The following LIMS1 variants were observed in gnomAD, a reference collection of about 807,000 sequenced individuals.
LIMS1 encodes LIM zinc finger domain containing 1, also known as LIM and senescent cell antigen-like-containing domain protein 1.
LIMS1 carries 18 observed loss-of-function variants against 44.1 expected under a neutral mutation model. The ratio of observed to expected loss-of-function variants is 0.41; its 90% CI spans 0.28 to 0.61. LIMS1 has a LOEUF of 0.61. Among genes scored for constraint, LIMS1 ranks in the 20% least tolerant of loss-of-function variants. LIMS1 has a pLI of 0.32. For missense variants in LIMS1, 201 were observed against 422.0 expected (o/e 0.48, Z 4.59); for synonymous variants, 93 against 149.1 (o/e 0.62, Z 2.74).
intron 1 of LIMS1, among the ~76,000 whole-genome samples, chr2:108,578,907 AATT>A (rs2104650075): frequency 6.6e-6 from 1 of 152,256 alleles, no homozygotes; most frequent in East Asian, 1.9e-4. Context: ...AAATGTAAAT[AATT>A]TTTAAATCTA....
intron 7 of LIMS1, among the ~76,000 whole-genome samples, chr2:108,677,746 C>G (rs1367418461): frequency 2.0e-5 from 3 of 152,148 alleles, no homozygotes; most frequent in Admixed American, 6.6e-5. Context: ...TCACAGATTT[C>G]TATATTTTGC....
intron 1 of LIMS1, among the ~76,000 whole-genome samples, chr2:108,585,915 C>T (rs951660400): frequency 6.6e-6 from 1 of 151,966 alleles, no homozygotes; most frequent in Non-Finnish European, 1.5e-5. Context: ...TGTCTGAGGC[C>T]GGGCGTGGTG....
At chr2:108,653,509 TCA>T (rs1333864075) in intron 1 of LIMS1, among the ~76,000 whole-genome samples, 1 of 151,638 alleles carries the variant, frequency 6.6e-6, no homozygotes, top group African/African-American at 2.4e-5. Flanking sequence ...AGATTTTATT[TCA>T]CAGTCTCTTG....
At chr2:108,649,683 GA>G (rs1452556854) in intron 1 of LIMS1, among the ~76,000 whole-genome samples, 3 of 152,190 alleles carry the variant, frequency 2.0e-5, no homozygotes, top group Non-Finnish European at 2.9e-5. Context: ...GGACATGGAT[GA>G]TGCTGGAAAC....
intron 1 of LIMS1, among the ~76,000 whole-genome samples, chr2:108,630,016 AACCATATTTCC>A (rs1426716122): frequency 6.6e-6 from 1 of 152,150 alleles, no homozygotes; most frequent in Admixed American, 6.5e-5. Context: ...AACATGGTGA[AACCATATTTCC>A]ACAAAGAAAT....
chr2:108,627,736 C>T (rs575854330), intron 1 of LIMS1, among the ~76,000 whole-genome samples: 8 of 152,232 alleles, frequency 5.3e-5, no homozygotes, highest in African/African-American at 1.9e-4. Flanking sequence ...AGAGACACAG[C>T]AACTGATTAT....
intron 1 of LIMS1, among the ~76,000 whole-genome samples, chr2:108,578,418 A>G (rs1367565128): frequency 1.3e-5 from 2 of 152,030 alleles, no homozygotes; most frequent in Non-Finnish European, 2.9e-5. Context: ...AAGTAGTTTT[A>G]AATGTTATAA....
At chr2:108,639,599 C>T (rs1366671415) in intron 1 of LIMS1, among the ~76,000 whole-genome samples, 1 of 152,100 alleles carries the variant, frequency 6.6e-6, no homozygotes, top group Non-Finnish European at 1.5e-5. Context: ...ATTACAGGCA[C>T]CTGCCACCAC....
At chr2:108,673,431 A>G (rs1396239704) in intron 5 of LIMS1, 1 of 267,918 alleles carries the variant, frequency 3.7e-6, no homozygotes, top group Non-Finnish European at 7.2e-6. Context: ...TCTATTGCCC[A>G]GGCTGAAGTG....
intron 1 of LIMS1, chr2:108,588,582 T>G (rs565024609): frequency 9.9e-5 from 98 of 985,414 alleles, no homozygotes; most frequent in Middle Eastern, 5.2e-4. Flanking sequence ...TTGAGAGAAG[T>G]TTAAGAGAAG....
At chr2:108,622,382 A>T (rs899784961) in intron 1 of LIMS1, among the ~76,000 whole-genome samples, 14 of 152,200 alleles carry the variant, frequency 9.2e-5, no homozygotes, top group African/African-American at 3.4e-4. Flanking sequence ...AACAAGGACA[A>T]ATTGACAAGC....
At chr2:108,588,235 TA>T in intron 1 of LIMS1, 1 of 598,414 alleles carries the variant, frequency 1.7e-6, no homozygotes, top group Non-Finnish European at 2.1e-6. Flanking sequence ...GGTTATCGTG[TA>T]ACACACCATG....
At chr2:108,578,744 C>A (rs950557073) in intron 1 of LIMS1, among the ~76,000 whole-genome samples, 29 of 152,072 alleles carry the variant, frequency 1.9e-4, no homozygotes, top group African/African-American at 6.7e-4. Flanking sequence ...CAGGTGCCCA[C>A]CACCACGCCT....
intron 1 of LIMS1, among the ~76,000 whole-genome samples, chr2:108,548,502 C>T (rs971203676): frequency 1.3e-5 from 2 of 152,130 alleles, no homozygotes; most frequent in Admixed American, 6.5e-5. Flanking sequence ...TTCCAGTATT[C>T]GTCAGGTGCT....
At chr2:108,681,668 C>T in intron 9 of LIMS1, 2 of 836,784 alleles carry the variant, frequency 2.4e-6, no homozygotes, top group Non-Finnish European at 2.9e-6. Context: ...CGCCTGTAAT[C>T]CCAGCACTTT....
At chr2:108,543,353 C>A (rs1684376074) in intron 1 of LIMS1, among the ~76,000 whole-genome samples, 2 of 152,192 alleles carry the variant, frequency 1.3e-5, no homozygotes, top group South Asian at 2.1e-4. Context: ...GCCTCCATAA[C>A]AACTGTTTCA....
At chr2:108,684,146 G>C (rs2149029426) in exon 10 of LIMS1, 1 of 450,120 alleles carries the variant, frequency 2.2e-6, no homozygotes, top group Non-Finnish European at 4.0e-6. Context: ...AATTAAAAAA[G>C]AAAAATTCAT....
intron 1 of LIMS1, among the ~76,000 whole-genome samples, chr2:108,632,180 A>G (rs1688970936): frequency 6.6e-6 from 1 of 152,132 alleles, no homozygotes; most frequent in South Asian, 2.1e-4. Context: ...CATTTTGGCC[A>G]GGCTGGTCTC....
At position 108,551,491 on chromosome 2, in the gene LIMS1, GCACACACACACACACA is replaced by G. The variant is rs67589132; in HGVS notation, c.32+16923_32+16938del. Among the ~76,000 whole-genome samples the G allele has an allele frequency of 1.9e-4, 22 of 114,860 alleles. No homozygotes were observed. In the East Asian group the frequency reaches 2.8e-3, roughly 15 times the overall value. The allele number at this position is 114,860 out of a possible 152,430, so 75.4% of individuals were successfully genotyped here. On this transcript the variant is annotated intron_variant, in intron 1 of 9. Transcript: ENST00000544547. ...TCTATATACATATATGCGCGCGCGC[GCACACACACACACACA>G]CACACACACACACACACACACACAC...
Sources: gnomAD v4.1 joint callset for allele counts (sites outside exome capture counted in the v4.1 genomes callset) on GRCh38, gnomAD v4.1.1 for gene constraint, MANE v1.5 for transcripts, NCBI Gene and HGNC (gene_info 2026-07-23, HGNC 2026-07-21) for gene names.